Variants in TIPIN observed in about 807,000 individuals in gnomAD.
The protein encoded by TIPIN is TIMELESS interacting protein, also known as TIMELESS-interacting protein.
In TIPIN, 29 loss-of-function variants were observed where a neutral mutation model predicts 35.6. The ratio of observed to expected loss-of-function variants is 0.82; its 90% CI spans 0.61 to 1.11. TIPIN has a LOEUF of 1.11. Ranked by LOEUF, TIPIN falls within the 50% of genes most tolerant of loss-of-function variation. The pLI is 0.00. For missense variants in TIPIN, 296 were observed against 345.4 expected (o/e 0.86, Z 1.13); for synonymous variants, 102 against 121.5 (o/e 0.84, Z 1.06).
chr15:66,351,077 T>C (rs2093164653), intron 4 of TIPIN, among the ~76,000 whole-genome samples: 1 of 98,824 alleles, frequency 1.0e-5, no homozygotes, highest in African/African-American at 3.9e-5. Context: ...TTTCAAAATG[T>C]GCATTTGTAA....
At chr15:66,379,238 T>C (rs2093309134) in intron 1 of TIPIN, 1 of 1,438,826 alleles carries the variant, frequency 7.0e-7, no homozygotes, top group Non-Finnish European at 9.2e-7. Context: ...TTTACTTTTC[T>C]CCAAATCAAC....
At chr15:66,362,121 T>C (rs889133417) in intron 1 of TIPIN, among the ~76,000 whole-genome samples, 3 of 151,942 alleles carry the variant, frequency 2.0e-5, no homozygotes, top group Non-Finnish European at 4.4e-5. Context: ...CTGGCCAACA[T>C]GGTGAAACCC....
rs553358775 is a variant in TIPIN, at chr15:66,353,428, T to TA, written c.-8-474dup. The stretch of plus-strand genomic sequence containing the variant: ...GTCAGGAGATCGAGACCATCCTGGC[T>TA]ACACGGTGAAACCCCGTCTCTACTA... On this transcript the variant is annotated intron_variant, in intron 1 of 7. Transcript: ENST00000261881. Among the ~76,000 whole-genome samples, 1,285 of 151,862 alleles carry TA rather than the reference T, an allele frequency of 8.5e-3. 11 individuals carry two copies. Among genetic ancestry groups the TA allele is most frequent in the Non-Finnish European group, 0.014 (932 of 67,912 alleles).
intron 1 of TIPIN, among the ~76,000 whole-genome samples, chr15:66,376,164 T>TAGTTACTAACAACAATA (rs2093296127): frequency 6.6e-6 from 1 of 152,186 alleles, no homozygotes; most frequent in Non-Finnish European, 1.5e-5. Context: ...TACTACACAA[T>TAGTTACTAACAACAATA]GTTCTGCTCC....
At chr15:66,342,627 G>A (rs533414849) in intron 6 of TIPIN, among the ~76,000 whole-genome samples, 102 of 152,282 alleles carry the variant, frequency 6.7e-4, no homozygotes, top group Middle Eastern at 3.4e-3. Context: ...GCCTCCCAAA[G>A]TGCTGAGATT....
chr15:66,382,596 A>G (rs1420406192), intron 1 of TIPIN, among the ~76,000 whole-genome samples: 4 of 152,030 alleles, frequency 2.6e-5, no homozygotes, highest in Non-Finnish European at 5.9e-5. Flanking sequence ...GCTAGTGTTG[A>G]ACTCCTGGGC....
intron 1 of TIPIN, chr15:66,379,995 T>C (rs2093312297): frequency 2.1e-6 from 1 of 466,734 alleles, no homozygotes; most frequent in Middle Eastern, 6.6e-4. Context: ...CTTTTCTTTC[T>C]TTCTTTCTTT....
chr15:66,379,151 A>G, intron 1 of TIPIN: 1 of 769,910 alleles, frequency 1.3e-6, no homozygotes, highest in Non-Finnish European at 2.0e-6. Flanking sequence ...TGCCTCCCAA[A>G]ATGCTGGAAT....
intron 6 of TIPIN, 22 bp from the exon 7 acceptor site, chr15:66,341,378 A>G (rs2093085535): frequency 1.3e-6 from 2 of 1,591,364 alleles, no homozygotes; most frequent in African/African-American, 1.3e-5. Context: ...AAGAAATAGT[A>G]CATCTGTGGT....
At chr15:66,344,320 G>A (rs1264365272) in intron 6 of TIPIN, among the ~76,000 whole-genome samples, 1 of 151,896 alleles carries the variant, frequency 6.6e-6, no homozygotes, top group East Asian at 1.9e-4. Context: ...GGTGGCTCAC[G>A]CCTGTAATCA....
upstream of TIPIN, chr15:66,356,764 G>A (rs1228372381): frequency 8.1e-6 from 8 of 982,298 alleles, no homozygotes; most frequent in East Asian, 2.3e-4. Context: ...CGTGCGGGGG[G>A]CTGGGCGGAG....
chr15:66,357,910 C>T (rs1314926539), upstream of TIPIN, among the ~76,000 whole-genome samples: 3 of 151,690 alleles, frequency 2.0e-5, no homozygotes, highest in Non-Finnish European at 2.9e-5. Flanking sequence ...GAGCTGAGAT[C>T]ATGCCATTGC....
chr15:66,374,089 T>A (rs1172138325), intron 1 of TIPIN, among the ~76,000 whole-genome samples: 1 of 152,098 alleles, frequency 6.6e-6, no homozygotes, highest in South Asian at 2.1e-4. Flanking sequence ...AATAAAACAT[T>A]TACTATTTAG....
intron 7 of TIPIN, among the ~76,000 whole-genome samples, chr15:66,340,109 T>C (rs1305561511): frequency 6.6e-6 from 1 of 150,380 alleles, no homozygotes; most frequent in East Asian, 2.0e-4. Flanking sequence ...CCTGACCTTG[T>C]GATCCACCCA....
At chr15:66,386,658 GAC>G (rs2093340298) in exon 1 of TIPIN, 2 of 177,160 alleles carry the variant, frequency 1.1e-5, no homozygotes, top group African/African-American at 4.7e-5. Flanking sequence ...ACCACACAGC[GAC>G]ACAGACTTCT....
intron 6 of TIPIN, among the ~76,000 whole-genome samples, chr15:66,344,866 C>T (rs1310274534): frequency 1.3e-5 from 2 of 151,482 alleles, no homozygotes; most frequent in African/African-American, 4.9e-5. Context: ...GGCCCTGCCT[C>T]GAAAAGAAAT....
Position 66,356,655 on chromosome 15 carries a change from G to C in TIPIN, c.-25C>G. The C allele has an allele frequency of 9.1e-6, 9 of 985,770 alleles. No individual in the cohort carries two copies. The highest frequency in any genetic ancestry group is 1.1e-5 in the Non-Finnish European group (9 of 830,216). 61.1% of individuals were successfully genotyped at this position (985,770 alleles called of 1,614,324 possible). On this transcript the variant is annotated 5_prime_UTR_variant, in exon 1 of 8. Transcript: ENST00000261881. Reference sequence around the variant, plus strand: ...AGCTCTCACCTCACGCAGAAAACACGGGACACAGCGCGGACCTCGGCGTGC... The same window carrying C: ...AGCTCTCACCTCACGCAGAAAACACCGGACACAGCGCGGACCTCGGCGTGC...
At chr15:66,354,479 C>T (rs1196838342) in intron 1 of TIPIN, among the ~76,000 whole-genome samples, 1 of 152,150 alleles carries the variant, frequency 6.6e-6, no homozygotes, top group African/African-American at 2.4e-5. Flanking sequence ...TGCATTACTC[C>T]ACTACTCTCA....
At chr15:66,385,049 A>C (rs1270017977) in intron 1 of TIPIN, among the ~76,000 whole-genome samples, 1 of 152,200 alleles carries the variant, frequency 6.6e-6, no homozygotes, top group African/African-American at 2.4e-5. Flanking sequence ...ATTCTACCAC[A>C]GTGAGAAAGC....
Sources: allele counts gnomAD v4.1 joint callset (sites outside exome capture counted in the v4.1 genomes callset), GRCh38; gene constraint gnomAD v4.1.1; transcripts MANE v1.5; gene names NCBI Gene and HGNC (gene_info 2026-07-23, HGNC 2026-07-21).